SGCD: variants seen among roughly 807,000 people sequenced by gnomAD.
SGCD encodes the protein sarcoglycan delta.
A neutral mutation model predicts 36.6 loss-of-function variants in SGCD; 18 were observed. The ratio of observed to expected loss-of-function variants is 0.49; its 90% CI spans 0.34 to 0.73. SGCD has a LOEUF of 0.73. Among genes scored for constraint, SGCD ranks in the 30% least tolerant of loss-of-function variants. The pLI, the probability that SGCD is intolerant of heterozygous loss-of-function variation, is 0.01. For missense variants in SGCD, 387 were observed against 346.7 expected, an observed-to-expected ratio of 1.12 and a Z score of -0.92; for synonymous variants, 133 against 130.6, an observed-to-expected ratio of 1.02 and a Z score of -0.12.
chr5:156,071,342 A>C (rs1273605623), intron 1 of SGCD, among the ~76,000 whole-genome samples: 2 of 151,976 alleles, frequency 1.3e-5, no homozygotes, highest in Non-Finnish European at 2.9e-5. Context: ...CTTTGTTCTC[A>C]TTGGTTTCAA....
chr5:156,761,706 G>A lies in SGCD; in HGVS notation c.*2316G>A, dbSNP rs886060296. 1.3e-5 allele frequency: 2 copies of A among 152,140 alleles called. No individual in the cohort carries two copies. The highest frequency in any genetic ancestry group is 2.9e-5 in the Non-Finnish European group (2 of 68,014). 9.4% of individuals were successfully genotyped at this position (152,140 alleles called of 1,614,324 possible). On this transcript the variant is annotated 3_prime_UTR_variant, in exon 9 of 9. Coordinates refer to ENST00000337851, the MANE Select transcript of SGCD (RefSeq NM_000337.6). The stretch of plus-strand genomic sequence containing the variant: ...ATGACAAAAAAGCAAAAAGTTCCCA[G>A]AACGTTTTTGCTTAGATTTTGTTCT...
At chr5:156,170,874 G>A (rs756806436) in intron 3 of SGCD, among the ~76,000 whole-genome samples, 20 of 152,110 alleles carry the variant, frequency 1.3e-4, no homozygotes, top group Non-Finnish European at 2.5e-4. Flanking sequence ...CTAGTTCTCC[G>A]CACATGACTT....
intron 3 of SGCD, among the ~76,000 whole-genome samples, chr5:156,285,557 A>G (rs2127675105): frequency 6.6e-6 from 1 of 152,332 alleles, no homozygotes; most frequent in East Asian, 1.9e-4. Context: ...AAACCTGACA[A>G]AAACAAGCAA....
chr5:156,148,031 A>G (rs1020086691), intron 3 of SGCD, among the ~76,000 whole-genome samples: 1 of 152,236 alleles, frequency 6.6e-6, no homozygotes, highest in East Asian at 1.9e-4. Flanking sequence ...GCTAAAGCCT[A>G]TAATCATAAA....
rs1411335071 is a variant in SGCD, at chr5:156,061,502, T to G, written c.-281-56376T>G. Among the ~76,000 whole-genome samples, 2 of 145,812 alleles carry G rather than the reference T, an allele frequency of 1.4e-5. 1 individual carries two copies. The highest frequency in any genetic ancestry group is 3.1e-5 in the Non-Finnish European group (2 of 64,710). ...AAACCAGGATTCGACTTAGCTTGGG[T>G]TTCTTCCTTAAAGGATGGGAGGAAA... On this transcript the variant is annotated intron_variant, in intron 1 of 9. Coordinates refer to the SGCD transcript ENST00000517913.
intron 1 of SGCD, among the ~76,000 whole-genome samples, chr5:155,978,799 C>A: frequency 6.7e-6 from 1 of 149,692 alleles, no homozygotes; most frequent in South Asian, 2.1e-4. Flanking sequence ...CAAAAGAATG[C>A]AGGGGGAGGG....
chr5:155,960,785 G>A (rs1016768706), intron 1 of SGCD, among the ~76,000 whole-genome samples: 2 of 152,010 alleles, frequency 1.3e-5, no homozygotes, highest in Admixed American at 6.6e-5. Flanking sequence ...AATTCCTTAT[G>A]GAAAATCCAC....
At chr5:155,819,739 G>T in the SGCD span, among the ~76,000 whole-genome samples, 2 of 152,150 alleles carry the variant, frequency 1.3e-5, no homozygotes, top group Non-Finnish European at 2.9e-5. Context: ...TCTCCGGAGA[G>T]AAACATCTGT....
intron 1 of SGCD, among the ~76,000 whole-genome samples, chr5:155,883,793 CAAAAA>C (rs34250962): frequency 6.0e-5 from 5 of 83,486 alleles, no homozygotes; most frequent in South Asian, 4.6e-4. Flanking sequence ...CTTCAATTTG[CAAAAA>C]AAAAAAAAAA....
At chr5:156,091,171 C>A (rs983548208) in intron 1 of SGCD, among the ~76,000 whole-genome samples, 2 of 152,134 alleles carry the variant, frequency 1.3e-5, no homozygotes, top group African/African-American at 4.8e-5. Flanking sequence ...TGATAAATGT[C>A]CATGAAATCT....
intron 7 of SGCD, among the ~76,000 whole-genome samples, chr5:156,728,939 A>G (rs1755921452): frequency 6.6e-6 from 1 of 152,230 alleles, no homozygotes; most frequent in African/African-American, 2.4e-5. Context: ...ATCTTTGTTT[A>G]CATCTGTAAT....
At chr5:156,623,443 C>T (rs769283837) in intron 6 of SGCD, among the ~76,000 whole-genome samples, 47 of 152,214 alleles carry the variant, frequency 3.1e-4, no homozygotes, top group Non-Finnish European at 5.6e-4. Flanking sequence ...GTCGTGCAGC[C>T]TGCTCTATAA....
rs1293256851 is a variant in SGCD at position 156,250,020 on chromosome 5, A to C, written c.-43-79514A>C. Among the ~76,000 whole-genome samples, 4 of 152,228 alleles carry C rather than the reference A, an allele frequency of 2.6e-5. No individual in the cohort carries two copies. The East Asian group carries it at 7.7e-4, about 29-fold the overall frequency. ...TAGATTTTACATGTTACAGAATCCA[A>C]GGTAAAGAGCTGTTTTGTGTGATGT... On this transcript the variant is annotated intron_variant, in intron 3 of 9. Coordinates refer to the SGCD transcript ENST00000517913.
At chr5:156,184,001 T>C (rs547654244) in intron 3 of SGCD, among the ~76,000 whole-genome samples, 7 of 152,198 alleles carry the variant, frequency 4.6e-5, no homozygotes, top group Non-Finnish European at 8.8e-5. Context: ...ATATTGTAAG[T>C]TGAAATGTAT....
At chr5:155,980,048 T>G (rs912663315) in intron 1 of SGCD, among the ~76,000 whole-genome samples, 1 of 152,136 alleles carries the variant, frequency 6.6e-6, no homozygotes, top group East Asian at 1.9e-4. Flanking sequence ...ACCAGAGCTC[T>G]CTCTCTTCTC....
chr5:156,154,612 C>T (rs971599016), intron 3 of SGCD, among the ~76,000 whole-genome samples: 4 of 151,488 alleles, frequency 2.6e-5, no homozygotes. Context: ...GCACTTAGTG[C>T]TTTATTTGTG....
At chr5:156,436,005 C>G (rs191959233) in intron 3 of SGCD, among the ~76,000 whole-genome samples, 3 of 152,280 alleles carry the variant, frequency 2.0e-5, no homozygotes, top group Admixed American at 2.0e-4. Flanking sequence ...AGTTCCCAGA[C>G]CAAGTGTGGA....
At chr5:156,422,626 G>C (rs1187448322) in intron 3 of SGCD, among the ~76,000 whole-genome samples, 2 of 151,926 alleles carry the variant, frequency 1.3e-5, no homozygotes, top group East Asian at 3.9e-4. Context: ...TAATTTTTCA[G>C]TTTCCTTATA....
At chr5:155,993,337 CTTT>C (rs34221751) in intron 1 of SGCD, among the ~76,000 whole-genome samples, 2 of 114,504 alleles carry the variant, frequency 1.7e-5, no homozygotes, top group African/African-American at 3.2e-5. Flanking sequence ...ATCTGGGGTC[CTTT>C]TTTTTTTTTT....
Sources: allele counts gnomAD v4.1 joint callset (sites outside exome capture counted in the v4.1 genomes callset), GRCh38; gene constraint gnomAD v4.1.1; transcripts MANE v1.5; gene names NCBI Gene and HGNC (gene_info 2026-07-23, HGNC 2026-07-21).